NRF1: variants seen among roughly 807,000 people sequenced by gnomAD.
NRF1 encodes the protein nuclear respiratory factor 1, also known as alpha palindromic-binding protein.
In NRF1, 5 loss-of-function variants were observed where a neutral mutation model predicts 58.5. The ratio of observed to expected loss-of-function variants is 0.09; its 90% CI spans 0.04 to 0.18. The LOEUF (loss-of-function observed/expected upper bound fraction) is 0.18. Among genes scored for constraint, NRF1 ranks in the 10% least tolerant of loss-of-function variants. NRF1 has a pLI of 1.00. For synonymous variants in NRF1, 224 were observed against 246.7 expected (o/e 0.91, Z 0.86); for missense variants, 288 against 657.7 (o/e 0.44, Z 6.15).
intron 1 of NRF1, among the ~76,000 whole-genome samples, chr7:129,613,879 C>G (rs1453801012): frequency 6.6e-6 from 1 of 152,048 alleles, no homozygotes; most frequent in East Asian, 1.9e-4. Context: ...GGAGATCGCG[C>G]CATTGCACTC....
In NRF1 at chr7:129,755,245, G is replaced by T; in HGVS notation, c.*64G>T. On this transcript the variant is annotated 3_prime_UTR_variant, in exon 11 of 11. Transcript: ENST00000393232. This position sits in a 1 kb window ranked among gnomAD's most constrained non-coding sequence, Gnocchi z 5.8. ...CAAAATTTTTTACACGTTTGCAGAG[G>T]TGCAATCAAATGGAATTAAGTCTCT... is the stretch of plus-strand genomic sequence containing the variant. 1 of 1,364,768 alleles carries T rather than the reference G, an allele frequency of 7.3e-7. No homozygotes were observed. The highest frequency in any genetic ancestry group is 9.7e-7 in the Non-Finnish European group (1 of 1,030,478). 84.5% of individuals were successfully genotyped at this position (1,364,768 alleles called of 1,614,324 possible). A position where few individuals can be genotyped will look rare whatever the true frequency, so the allele number is the denominator to read the frequency against.
At chr7:129,701,066 A>G (rs1562975487) in intron 5 of NRF1, among the ~76,000 whole-genome samples, 1 of 152,242 alleles carries the variant, frequency 6.6e-6, no homozygotes, top group Non-Finnish European at 1.5e-5. Flanking sequence ...AATTACTTAC[A>G]TAGGATACAA....
chr7:129,750,020 T>C (rs1804075615), intron 10 of NRF1, among the ~76,000 whole-genome samples: 1 of 152,088 alleles, frequency 6.6e-6, no homozygotes, highest in Non-Finnish European at 1.5e-5. Flanking sequence ...AGCCCTGCCC[T>C]GTGGACTTCT....
chr7:129,727,130 C>A, intron 9 of NRF1, 111 bp from the exon 10 acceptor site: 2 of 1,161,242 alleles, frequency 1.7e-6, no homozygotes, highest in Non-Finnish European at 2.3e-6. Flanking sequence ...GGTAGGATCA[C>A]AACCATGGAG....
In NRF1 at chr7:129,613,830, G is replaced by A. The variant is rs1800598477; in HGVS notation, c.-7+2006G>A. On this transcript the variant is annotated intron_variant, in intron 1 of 10. Coordinates refer to ENST00000393232, the MANE Select transcript of NRF1 (RefSeq NM_005011.5). ...CGGGGGCTGCCGAGGCAAGAGAATC[G>A]CTTGAACCTGGGAGGCAGAAGTTGC... is the stretch of plus-strand genomic sequence containing the variant. 2.0e-5 allele frequency among the ~76,000 whole-genome samples: 3 copies of A among 152,038 alleles called. No individual in the cohort carries two copies. The South Asian group carries it at 6.2e-4, about 32-fold the overall frequency.
At chr7:129,655,694 A>C (rs760990444) in intron 1 of NRF1, among the ~76,000 whole-genome samples, 2 of 151,824 alleles carry the variant, frequency 1.3e-5, no homozygotes, top group African/African-American at 4.8e-5. Context: ...GCTAATTTTT[A>C]TATTTTTAGT....
intron 10 of NRF1, among the ~76,000 whole-genome samples, chr7:129,732,386 T>TG (rs1169822814): frequency 6.6e-6 from 1 of 152,204 alleles, no homozygotes; most frequent in East Asian, 1.9e-4. Flanking sequence ...AAAGTAATTG[T>TG]GGGTTTTTTT....
At chr7:129,665,665 C>T (rs1462500732) in intron 2 of NRF1, among the ~76,000 whole-genome samples, 2 of 152,080 alleles carry the variant, frequency 1.3e-5, no homozygotes, top group African/African-American at 4.8e-5. Context: ...ACTCTGTTGT[C>T]CAGACTGGAG....
chr7:129,637,977 C>T (rs1214983320), intron 1 of NRF1, among the ~76,000 whole-genome samples: 1 of 151,902 alleles, frequency 6.6e-6, no homozygotes, highest in Non-Finnish European at 1.5e-5. Flanking sequence ...GAAGATTGGA[C>T]ACCTCTGCTT....
At chr7:129,728,673 C>T (rs1803508741) in intron 10 of NRF1, among the ~76,000 whole-genome samples, 1 of 152,162 alleles carries the variant, frequency 6.6e-6, no homozygotes, top group South Asian at 2.1e-4. Flanking sequence ...CTGTGTCCTC[C>T]TTTGGAATAG....
At chr7:129,721,954 A>G (rs765679149) in intron 9 of NRF1, among the ~76,000 whole-genome samples, 46 of 152,194 alleles carry the variant, frequency 3.0e-4, no homozygotes, top group Non-Finnish European at 4.9e-4. Flanking sequence ...TTTCTTTCCT[A>G]CAGGTAAAGA....
intron 1 of NRF1, among the ~76,000 whole-genome samples, chr7:129,618,670 G>C (rs1355284249): frequency 1.3e-5 from 2 of 152,150 alleles, no homozygotes; most frequent in African/African-American, 4.8e-5. Context: ...ACTCCAGCTT[G>C]GGTGTCAGTG....
At chr7:129,707,628 C>T (rs963074244) in intron 5 of NRF1, among the ~76,000 whole-genome samples, 9 of 152,170 alleles carry the variant, frequency 5.9e-5, no homozygotes, top group Non-Finnish European at 1.3e-4. Flanking sequence ...GTAATGACCG[C>T]ATGAGCCAGC....
In NRF1 at chr7:129,755,298, C is replaced by G; in HGVS notation, c.*117C>G. 1 of 764,890 alleles carries G rather than the reference C, an allele frequency of 1.3e-6. No individual in the cohort carries two copies. The highest frequency in any genetic ancestry group is 1.8e-6 in the Non-Finnish European group (1 of 563,468). 47.4% of individuals were successfully genotyped at this position (764,890 alleles called of 1,614,324 possible). A position where few individuals can be genotyped will look rare whatever the true frequency, so the allele number is the denominator to read the frequency against. On this transcript the variant is annotated 3_prime_UTR_variant, in exon 11 of 11. Coordinates refer to ENST00000393232, the MANE Select transcript of NRF1 (RefSeq NM_005011.5). The surrounding 1 kb of genome is among the most constrained non-coding windows in gnomAD (Gnocchi z 5.8). ...ACTTTGGAAGGAAAGTTTTGTTAAC[C>G]TTTTTTTTTTTAAAAGGAAGAAAGC...
At chr7:129,669,378 A>G (rs997740639) in intron 2 of NRF1, among the ~76,000 whole-genome samples, 1 of 152,232 alleles carries the variant, frequency 6.6e-6, no homozygotes, top group African/African-American at 2.4e-5. Flanking sequence ...AGCTAATGCT[A>G]TGCCTGCTGA....
chr7:129,653,660 GC>G (rs1217558655), intron 1 of NRF1, among the ~76,000 whole-genome samples: 2 of 152,052 alleles, frequency 1.3e-5, no homozygotes, highest in Non-Finnish European at 2.9e-5. Flanking sequence ...CCAATCCTTG[GC>G]AACCTCTAAT....
At chr7:129,733,380 C>T (rs890825801) in intron 10 of NRF1, among the ~76,000 whole-genome samples, 10 of 150,992 alleles carry the variant, frequency 6.6e-5, no homozygotes, top group East Asian at 3.9e-4. Flanking sequence ...GGCAGGAGAA[C>T]GGCGTGAACC....
intron 3 of NRF1, among the ~76,000 whole-genome samples, chr7:129,673,038 C>G (rs1802085936): frequency 6.6e-6 from 1 of 151,920 alleles, no homozygotes; most frequent in Admixed American, 6.6e-5. Flanking sequence ...GGAAACAAAC[C>G]AAGAGAGTGG....
chr7:129,667,479 A>G (rs1801948048), intron 2 of NRF1, among the ~76,000 whole-genome samples: 1 of 152,082 alleles, frequency 6.6e-6, no homozygotes, highest in African/African-American at 2.4e-5. Context: ...ATTTATAAAA[A>G]TTATTGATCT....
Sources: gnomAD v4.1 joint callset for allele counts (sites outside exome capture counted in the v4.1 genomes callset) on GRCh38, gnomAD v4.1.1 for gene constraint, Gnocchi (gnomAD v3.1) non-coding constraint, MANE v1.5 for transcripts, NCBI Gene and HGNC (gene_info 2026-07-23, HGNC 2026-07-21) for gene names.